Variants in PCDHGB5 observed in about 807,000 individuals in gnomAD.
PCDHGB5 encodes protocadherin gamma-B5.
In PCDHGB5, 48 loss-of-function variants were observed where a neutral mutation model predicts 62.9. The ratio of observed to expected loss-of-function variants is 0.76; its 90% confidence interval spans 0.61 to 0.97. The LOEUF is 0.97. Ranked by LOEUF, PCDHGB5 falls within the 50% of genes least tolerant of loss-of-function variation. The pLI is 0.00. For synonymous variants in PCDHGB5, 474 were observed against 511.2 expected (o/e 0.93, Z 0.98); for missense variants, 1,118 against 1,198.6 (o/e 0.93, Z 0.99).
chr5:141,473,431 G>A (rs541546681), intron 1 of PCDHGB5, among the ~76,000 whole-genome samples: 10 of 152,266 alleles, frequency 6.6e-5, no homozygotes, highest in Non-Finnish European at 1.3e-4. Flanking sequence ...CAGATACTTT[G>A]CTTATGCAAA....
At chr5:141,452,134 T>C (rs539377216) in intron 1 of PCDHGB5, among the ~76,000 whole-genome samples, 2 of 152,344 alleles carry the variant, frequency 1.3e-5, no homozygotes, top group South Asian at 2.1e-4. Flanking sequence ...ATATGGCTCA[T>C]GTGTTTTTTC....
chr5:141,419,610 C>T (rs779657777), intron 1 of PCDHGB5: 162 of 1,612,012 alleles, frequency 1.0e-4, no homozygotes, highest in Non-Finnish European at 1.3e-4. Flanking sequence ...GCCGCGCAGC[C>T]AGGCTACCTG....
Position 141,486,601 on chromosome 5 carries a change from C to A in PCDHGB5, c.2398-8206C>A, listed in dbSNP as rs770685748. On this transcript the variant is annotated intron_variant, in intron 1 of 3. Transcript: ENST00000617380. The surrounding 1 kb of genome is among the most constrained non-coding windows in gnomAD (Gnocchi z 5.0). ...ATCGCCCAGGGGACCTGCTTTGCTCCCTTGCAGCCTCTGACCCAGACTCTG... is the reference window on the plus strand; with the variant it reads ...ATCGCCCAGGGGACCTGCTTTGCTCACTTGCAGCCTCTGACCCAGACTCTG... The A allele has an allele frequency of 1.9e-6, 3 of 1,613,558 alleles. No homozygotes were observed. The highest frequency in any genetic ancestry group is 3.3e-5 in the Admixed American group (2 of 60,026).
chr5:141,398,555 G>A lies in PCDHGB5; in HGVS notation c.428G>A (p.Ser143Asn). Residue 143 changes from serine to asparagine, a missense_variant, in exon 1 of 4, where the codon AGT becomes AAT. Physicochemically the swap from Ser to Asn is conservative, Grantham distance 46 (BLOSUM62 1). Transcript: ENST00000617380. ...FTQNSFELQI[S>N]ESAQPGTRFI... ...CAAAATTCCTTTGAGCTGCAAATAA[G>A]TGAGTCTGCACAGCCTGGCACAAGA... 6.2e-7 allele frequency: 1 copy of A among 1,613,934 alleles called. No homozygotes were observed. The highest frequency in any genetic ancestry group is 8.5e-7 in the Non-Finnish European group (1 of 1,179,886).
intron 1 of PCDHGB5, chr5:141,421,930 G>T (rs780569992): frequency 3.1e-6 from 5 of 1,613,480 alleles, no homozygotes; most frequent in Non-Finnish European, 4.2e-6. Context: ...GGTGGTCCTC[G>T]ATGTAAATGA....
At chr5:141,448,984 A>C (rs2098621334) in intron 1 of PCDHGB5, among the ~76,000 whole-genome samples, 1 of 152,086 alleles carries the variant, frequency 6.6e-6, no homozygotes, top group Non-Finnish European at 1.5e-5. Context: ...CTTCCATATT[A>C]ATATATAGAA....
intron 1 of PCDHGB5, chr5:141,404,311 T>G (rs746092761): frequency 1.9e-6 from 3 of 1,613,924 alleles, no homozygotes. Flanking sequence ...CTGCTTTCTC[T>G]CAAGCCTCCT....
chr5:141,442,898 TCTC>T (rs1427810429), intron 1 of PCDHGB5, among the ~76,000 whole-genome samples: 14 of 152,222 alleles, frequency 9.2e-5, no homozygotes, highest in Admixed American at 9.2e-4. Context: ...GCTTATCACT[TCTC>T]CTTCAGCACA....
intron 1 of PCDHGB5, chr5:141,414,320 A>G: frequency 1.9e-6 from 3 of 1,613,840 alleles, no homozygotes; most frequent in Middle Eastern, 1.6e-4. Flanking sequence ...GACTCTGAGC[A>G]GAATGGACAG....
At chr5:141,492,191 G>A (rs996614987) in intron 1 of PCDHGB5, among the ~76,000 whole-genome samples, 1 of 152,204 alleles carries the variant, frequency 6.6e-6, no homozygotes, top group African/African-American at 2.4e-5. Context: ...ACCTGTCTGC[G>A]GGACTTAGGT....
chr5:141,422,069 C>A, intron 1 of PCDHGB5: 3 of 1,611,836 alleles, frequency 1.9e-6, no homozygotes, highest in Non-Finnish European at 2.5e-6. Flanking sequence ...GTAATGTATT[C>A]ATTTCGGAAC....
chr5:141,494,977 T>C, intron 2 of PCDHGB5, 112 bp downstream of exon 2: 1 of 1,574,332 alleles, frequency 6.4e-7, no homozygotes, highest in East Asian at 2.3e-5. Context: ...TCTCCCTCAG[T>C]TTGAGATCCC....
intron 1 of PCDHGB5, among the ~76,000 whole-genome samples, chr5:141,454,796 A>AT (rs61612330): frequency 0.026 from 2,045 of 77,400 alleles, 387 homozygotes; most frequent in East Asian, 0.04. Flanking sequence ...CATGGTTCTA[A>AT]TTTTTTTTTT....
At chr5:141,421,423 C>T in intron 1 of PCDHGB5, 1 of 1,614,052 alleles carries the variant, frequency 6.2e-7, no homozygotes, top group Non-Finnish European at 8.5e-7. Context: ...GCGCGGAGTC[C>T]GCATCGTCTC....
chr5:141,409,055 G>T (rs141881204), intron 1 of PCDHGB5: 10 of 1,614,038 alleles, frequency 6.2e-6, no homozygotes, highest in Non-Finnish European at 8.5e-6. Flanking sequence ...CCGAAGCACT[G>T]CCCAGAGCAC....
Position 141,477,849 on chromosome 5 carries a change from A to G in PCDHGB5, c.2398-16958A>G. ...CCTCGGCCAGGTGGGAGCTCGGTGGAGATGCTGCCTCGAGGTACCTCAGCT... is the reference window on the plus strand; with the variant it reads ...CCTCGGCCAGGTGGGAGCTCGGTGGGGATGCTGCCTCGAGGTACCTCAGCT... On this transcript the variant is annotated intron_variant, in intron 1 of 3. Transcript: ENST00000617380. This position sits in a 1 kb window ranked among gnomAD's most constrained non-coding sequence, Gnocchi z 4.9. The G allele has an allele frequency of 6.8e-6, 11 of 1,612,812 alleles. No individual in the cohort carries two copies. Among genetic ancestry groups the G allele is most frequent in the Non-Finnish European group, 8.5e-6 (10 of 1,179,548 alleles).
chr5:141,430,577 C>A, intron 1 of PCDHGB5: 1 of 464,652 alleles, frequency 2.2e-6, no homozygotes. Context: ...AAGCGGAGAT[C>A]CTGCTCGCCT....
At position 141,400,119 on chromosome 5, in the gene PCDHGB5, G is replaced by A. The variant is rs543287685; in HGVS notation, c.1992G>A (p.Leu664=). ...TGCACTTGGTCTTTGCTGACAGCTTGCAGGAGGTGCTGCCGGATATCACTG... is the reference window on the plus strand; with the variant it reads ...TGCACTTGGTCTTTGCTGACAGCTTACAGGAGGTGCTGCCGGATATCACTG... The part of the protein sequence containing the change: ...ATLHLVFADS[L]QEVLPDITDR... Residue 664 remains leucine, a synonymous_variant, in exon 1 of 4, where the codon TTG becomes TTA. Transcript: ENST00000617380. 3 of 1,614,076 alleles carry A rather than the reference G, an allele frequency of 1.9e-6. No individual in the cohort carries two copies. The Admixed American group carries it at 5.0e-5, about 27-fold the overall frequency.
At chr5:141,467,393 T>C (rs1409255781) in intron 1 of PCDHGB5, among the ~76,000 whole-genome samples, 3 of 152,124 alleles carry the variant, frequency 2.0e-5, no homozygotes, top group African/African-American at 7.2e-5. Flanking sequence ...TTTTAAGTCA[T>C]AGTTAGAAAG....
Sources: allele counts gnomAD v4.1 joint callset (sites outside exome capture counted in the v4.1 genomes callset), GRCh38; gene constraint gnomAD v4.1.1; non-coding constraint Gnocchi (gnomAD v3.1); transcripts MANE v1.5; gene names NCBI Gene and HGNC (gene_info 2026-07-23, HGNC 2026-07-21).